OR11A1: variants seen among roughly 807,000 people sequenced by gnomAD.
The protein encoded by OR11A1 is olfactory receptor 11A1.
For synonymous variants in OR11A1, 158 were observed against 152.2 expected (o/e 1.04, Z -0.28); for missense variants, 380 against 378.2 (o/e 1.00, Z -0.04).
intron 1 of OR11A1, among the ~76,000 whole-genome samples, chr6:29,437,073 C>A (rs910440000): frequency 2.6e-5 from 4 of 152,208 alleles, no homozygotes; most frequent in Non-Finnish European, 5.9e-5. Context: ...AATAGGAACA[C>A]TTTTACGCTG....
chr6:29,430,700 T>G (rs1197124300), intron 2 of OR11A1, among the ~76,000 whole-genome samples: 1 of 152,146 alleles, frequency 6.6e-6, no homozygotes, highest in Non-Finnish European at 1.5e-5. Context: ...AGAAATTACC[T>G]AATGGGTATA....
At chr6:29,436,945 G>C (rs1582557507) in intron 1 of OR11A1, among the ~76,000 whole-genome samples, 1 of 152,300 alleles carries the variant, frequency 6.6e-6, no homozygotes, top group South Asian at 2.1e-4. Flanking sequence ...CTTGGCGTTG[G>C]GCGGCCGCAG....
intron 1 of OR11A1, among the ~76,000 whole-genome samples, chr6:29,442,453 C>T (rs1248721193): frequency 1.3e-5 from 2 of 152,228 alleles, no homozygotes; most frequent in Admixed American, 1.3e-4. Flanking sequence ...CATTCCAACA[C>T]TTTATTCAAA....
intron 4 of OR11A1, 50 bp from the exon 5 acceptor site, chr6:29,427,782 C>G: frequency 1.5e-6 from 2 of 1,353,104 alleles, no homozygotes; most frequent in Non-Finnish European, 2.0e-6. Flanking sequence ...TAAAACAAGA[C>G]TCGCTCACGC....
chr6:29,428,844 C>T, intron 4 of OR11A1, 69 bp downstream of exon 4: 1 of 429,052 alleles, frequency 2.3e-6, no homozygotes, highest in Non-Finnish European at 3.1e-6. Flanking sequence ...GGCAGGAAAG[C>T]ATATGCAAAA....
intron 1 of OR11A1, among the ~76,000 whole-genome samples, chr6:29,437,437 A>G (rs568050063): frequency 6.6e-6 from 1 of 152,358 alleles, no homozygotes; most frequent in South Asian, 2.1e-4. Flanking sequence ...ATTAACATTG[A>G]ACCAATAATA....
chr6:29,427,579 G>T lies in OR11A1; in HGVS notation c.63C>A (p.Asp21Glu), dbSNP rs778359044. Residue 21 changes from aspartate (D) to glutamate (E), a missense_variant, in exon 5 of 5, where the codon GAC becomes GAA. Coordinates refer to ENST00000377149, the MANE Select transcript of OR11A1 (RefSeq NM_001394828.1). ...ITEFVLLGFY[D>E]IPELHFLFFI... ...AAAACAAGAAATGCAGTTCAGGGAT[G>T]TCATAGAAGCCAAGGAGGACAAATT... 7.4e-6 allele frequency: 12 copies of T among 1,612,910 alleles called. No individual in the cohort carries two copies. In the South Asian group the frequency reaches 1.3e-4, roughly 18 times the overall value.
At chr6:29,455,131 A>G (rs1296504245) in intron 1 of OR11A1, among the ~76,000 whole-genome samples, 1 of 152,176 alleles carries the variant, frequency 6.6e-6, no homozygotes, top group Non-Finnish European at 1.5e-5. Context: ...GGATTCAAAA[A>G]GCACTTAACT....
At chr6:29,448,223 G>T (rs200788980) in intron 1 of OR11A1, among the ~76,000 whole-genome samples, 2 of 151,654 alleles carry the variant, frequency 1.3e-5, no homozygotes, top group East Asian at 1.9e-4. Flanking sequence ...CACCAAGTTG[G>T]CCAGGATGGT....
Position 29,426,538 on chromosome 6 carries a change from A to C in OR11A1, c.*156T>G. On this transcript the variant is annotated 3_prime_UTR_variant, in exon 5 of 5. Transcript: ENST00000377149. ...ACCCTTGAACTTAAAATAAAAGTTAAAAAATTGTTGCCCTATCATTTTCAT... is the reference window on the plus strand; with the variant it reads ...ACCCTTGAACTTAAAATAAAAGTTACAAAATTGTTGCCCTATCATTTTCAT... 1 of 597,456 alleles carries C rather than the reference A, an allele frequency of 1.7e-6. No homozygotes were observed. The highest frequency in any genetic ancestry group is 2.9e-6 in the Non-Finnish European group (1 of 345,390). 37.0% of individuals were successfully genotyped at this position (597,456 alleles called of 1,614,324 possible).
intron 1 of OR11A1, chr6:29,439,528 G>C (rs1324948611): frequency 6.4e-6 from 1 of 155,040 alleles, no homozygotes; most frequent in Non-Finnish European, 1.4e-5. Flanking sequence ...TAAAGAAAGA[G>C]CTGGAAAAAA....
intron 1 of OR11A1, chr6:29,450,119 G>C (rs1419111989): frequency 6.6e-6 from 1 of 152,198 alleles, no homozygotes. Flanking sequence ...TAAGATATGG[G>C]ATGTAGAAAG....
chr6:29,440,625 C>T (rs767606689), intron 1 of OR11A1: 8 of 1,614,044 alleles, frequency 5.0e-6, no homozygotes, highest in South Asian at 3.3e-5. Context: ...GGCAACAGCC[C>T]TCCTCATCCT....
chr6:29,443,622 A>AC (rs1428813394), intron 1 of OR11A1, among the ~76,000 whole-genome samples: 1 of 152,180 alleles, frequency 6.6e-6, no homozygotes, highest in Non-Finnish European at 1.5e-5. Context: ...ACATTTGTGT[A>AC]CAAAGTCTTT....
Position 29,427,683 on chromosome 6 carries a change from A to C in OR11A1, c.-42T>G, listed in dbSNP as rs1369008961. 6.4e-7 allele frequency: 1 copy of C among 1,569,880 alleles called. No individual in the cohort carries two copies. Among genetic ancestry groups the C allele is most frequent in the South Asian group, 1.2e-5 (1 of 82,914 alleles). On this transcript the variant is annotated 5_prime_UTR_variant, in exon 5 of 5. It adds an upstream start codon to the 5' untranslated region. Coordinates refer to ENST00000377149, the MANE Select transcript of OR11A1 (RefSeq NM_001394828.1). ...TCTGCTTGGCAATAATTGGGGGAGAAATTTTAGCATGTCTCTGCATCTTCT... is the reference window on the plus strand; with the variant it reads ...TCTGCTTGGCAATAATTGGGGGAGACATTTTAGCATGTCTCTGCATCTTCT...
At chr6:29,430,150 T>C (rs1783137459) in intron 3 of OR11A1, among the ~76,000 whole-genome samples, 151 bp downstream of exon 3, 1 of 152,216 alleles carries the variant, frequency 6.6e-6, no homozygotes, top group South Asian at 2.1e-4. Context: ...AAAGATATAT[T>C]CTCAATGAAT....
intron 2 of OR11A1, among the ~76,000 whole-genome samples, chr6:29,430,807 G>A (rs1783176588): frequency 6.6e-6 from 1 of 152,026 alleles, no homozygotes; most frequent in African/African-American, 2.4e-5. Flanking sequence ...CCCTAAATCT[G>A]TAAAAGTAGA....
At chr6:29,454,100 C>T (rs1785754849) in intron 1 of OR11A1, among the ~76,000 whole-genome samples, 1 of 151,968 alleles carries the variant, frequency 6.6e-6, no homozygotes, top group Admixed American at 6.6e-5. Flanking sequence ...ATAAACTTGT[C>T]AATATAGTAT....
At position 29,428,756 on chromosome 6, in the gene OR11A1, C is replaced by CAAA. The variant is rs11424255; in HGVS notation, c.-92+154_-92+156dup. Among the ~76,000 whole-genome samples the CAAA allele has an allele frequency of 1.1e-3, 55 of 47,874 alleles. 2 individuals are homozygous for CAAA. The highest frequency in any genetic ancestry group is 2.4e-3 in the African/African-American group (28 of 11,512). 31.4% of individuals were successfully genotyped at this position (47,874 alleles called of 152,430 possible). A position where few individuals can be genotyped will look rare whatever the true frequency, so the allele number is the denominator to read the frequency against. ...TGGGCAATAGAACGAAACTCCATCT[C>CAAA]AAAAAAAAAAAAAAAAAAAAAAAAA... is the stretch of plus-strand genomic sequence containing the variant. On this transcript the variant is annotated intron_variant, in intron 4 of 4. Transcript: ENST00000377149.
Sources: gnomAD v4.1 joint callset for allele counts (sites outside exome capture counted in the v4.1 genomes callset) on GRCh38, gnomAD v4.1.1 for gene constraint, MANE v1.5 for transcripts, NCBI Gene and HGNC (gene_info 2026-07-23, HGNC 2026-07-21) for gene names.